Variants in MTMR3 observed in about 807,000 individuals in gnomAD.
The protein encoded by MTMR3 is myotubularin related protein 3.
MTMR3 carries 32 observed loss-of-function variants against 132.4 expected under a neutral mutation model. The observed-to-expected ratio is 0.24, with a 90% CI of 0.18 to 0.32. MTMR3 has a LOEUF of 0.32. Ranked by LOEUF, MTMR3 falls within the 10% of genes least tolerant of loss-of-function variation. MTMR3 has a pLI of 1.00. For missense variants in MTMR3, 1,216 were observed against 1,489.6 expected (o/e 0.82, Z 3.02); for synonymous variants, 556 against 550.3 (o/e 1.01, Z -0.14).
intron 1 of MTMR3, among the ~76,000 whole-genome samples, chr22:29,891,409 A>AAC (rs2064797741): frequency 7.1e-6 from 1 of 139,924 alleles, no homozygotes; most frequent in Non-Finnish European, 1.6e-5. Flanking sequence ...GTGTATATAT[A>AAC]ACATATATAT....
chr22:30,012,661 A>T, intron 13 of MTMR3, 98 bp downstream of exon 13: 1 of 1,296,572 alleles, frequency 7.7e-7, no homozygotes, highest in African/African-American at 1.5e-5. Context: ...TCGGTTAAAG[A>T]AAGTGAAATT....
chr22:29,957,006 A>G (rs1569023630), intron 1 of MTMR3, 30 bp from the exon 2 acceptor site: 1 of 152,306 alleles, frequency 6.6e-6, no homozygotes, highest in Non-Finnish European at 1.5e-5. Context: ...GATATTTGTC[A>G]TTATAAAATA....
intron 1 of MTMR3, among the ~76,000 whole-genome samples, chr22:29,928,920 A>C (rs1015022848): frequency 6.6e-6 from 1 of 152,228 alleles, no homozygotes; most frequent in Admixed American, 6.5e-5. Flanking sequence ...TAGTAGTCGT[A>C]GTATATTGTC....
At chr22:29,946,748 GT>G (rs11312978) in intron 1 of MTMR3, among the ~76,000 whole-genome samples, 115,572 of 149,344 alleles carry the variant, frequency 0.77, 44,910 homozygotes, top group East Asian at 0.91. Flanking sequence ...AATTGGAAAA[GT>G]TTTTTTTTTT....
rs149674509 is a variant in MTMR3 at position 29,979,530 on chromosome 22, C to G, written c.210+478C>G. On this transcript the variant is annotated intron_variant, in intron 5 of 19. Coordinates refer to ENST00000401950, the MANE Select transcript of MTMR3 (RefSeq NM_021090.4). ...ACAACAACAACAAAACACACTAGAT[C>G]AGCAAGCAGCTCTTATGCTTGATTT... The G allele has an allele frequency of 2.6e-3, 564 of 220,030 alleles. 4 individuals carry two copies. The highest frequency in any genetic ancestry group is 0.019 in the Middle Eastern group (10 of 524). The allele number at this position is 220,030 out of a possible 1,614,324, so 13.6% of individuals were successfully genotyped here. A position where few individuals can be genotyped will look rare whatever the true frequency, so the allele number is the denominator to read the frequency against.
intron 1 of MTMR3, among the ~76,000 whole-genome samples, chr22:29,887,282 C>T (rs1288901669): frequency 2.6e-5 from 4 of 152,130 alleles, no homozygotes; most frequent in Admixed American, 6.5e-5. Flanking sequence ...ACATAACCCC[C>T]CTGAGCTCCA....
chr22:29,919,934 T>C (rs1408072807), intron 1 of MTMR3, among the ~76,000 whole-genome samples: 1 of 152,152 alleles, frequency 6.6e-6, no homozygotes, highest in African/African-American at 2.4e-5. Context: ...GCTGATGACT[T>C]ACATGCTTTT....
chr22:29,981,570 A>G (rs1469051589), intron 5 of MTMR3: 1 of 152,256 alleles, frequency 6.6e-6, no homozygotes, highest in East Asian at 1.9e-4. Flanking sequence ...GCAGTGATGC[A>G]CGCCTGTAAT....
intron 2 of MTMR3, among the ~76,000 whole-genome samples, chr22:29,968,960 A>C (rs1227935716): frequency 6.6e-6 from 1 of 152,160 alleles, no homozygotes; most frequent in East Asian, 1.9e-4. Flanking sequence ...TGGTGCACCC[A>C]AAACCCCTGT....
chr22:29,917,349 C>G (rs1441395509), intron 1 of MTMR3, among the ~76,000 whole-genome samples: 1 of 152,096 alleles, frequency 6.6e-6, no homozygotes. Context: ...AAAAATTGCA[C>G]CAGAGGAGCC....
chr22:29,919,201 TCTTC>T (rs1007313359), intron 1 of MTMR3, among the ~76,000 whole-genome samples: 1 of 152,238 alleles, frequency 6.6e-6, no homozygotes, highest in African/African-American at 2.4e-5. Flanking sequence ...TGCTTCTTGT[TCTTC>T]CTTTTTTCTG....
intron 17 of MTMR3, 113 bp downstream of exon 17, chr22:30,020,997 A>G (rs996168471): frequency 2.7e-6 from 3 of 1,105,100 alleles, no homozygotes; most frequent in African/African-American, 3.2e-5. Flanking sequence ...AGGATTGGAA[A>G]GGTCCAGAGT....
chr22:29,940,763 A>C (rs1375656380), intron 1 of MTMR3, among the ~76,000 whole-genome samples: 1 of 150,072 alleles, frequency 6.7e-6, no homozygotes, highest in Non-Finnish European at 1.5e-5. Flanking sequence ...TGATCACATC[A>C]TATGGACTTG....
At chr22:29,896,985 AAAATTT>A (rs1384320363) in intron 1 of MTMR3, among the ~76,000 whole-genome samples, 2 of 151,968 alleles carry the variant, frequency 1.3e-5, no homozygotes, top group Non-Finnish European at 2.9e-5. Flanking sequence ...TTTTTAAAGT[AAAATTT>A]AAATATTTAA....
At chr22:29,945,711 TGAAAAA>T (rs2065939177) in intron 1 of MTMR3, among the ~76,000 whole-genome samples, 1 of 82,206 alleles carries the variant, frequency 1.2e-5, no homozygotes, top group African/African-American at 6.1e-5. Context: ...GTCTTTAAAA[TGAAAAA>T]GAAAAAAAAA....
At chr22:29,949,931 A>G (rs5763629) in intron 1 of MTMR3, among the ~76,000 whole-genome samples, 6,184 of 152,244 alleles carry the variant, frequency 0.041, 374 homozygotes, top group South Asian at 0.24. Flanking sequence ...AGGCATTGCT[A>G]TTGAAGACAC....
chr22:29,908,855 A>G (rs774575687), intron 1 of MTMR3, among the ~76,000 whole-genome samples: 8 of 152,212 alleles, frequency 5.3e-5, no homozygotes, highest in Non-Finnish European at 8.8e-5. Context: ...ATATTTAGGA[A>G]TAAAAAGTTA....
chr22:29,935,243 AAATG>A (rs1473721875), intron 1 of MTMR3, among the ~76,000 whole-genome samples: 2 of 152,218 alleles, frequency 1.3e-5, no homozygotes, highest in Non-Finnish European at 2.9e-5. Flanking sequence ...TGTGATTACT[AAATG>A]GCATGTACAG....
chr22:29,979,093 G>A, intron 5 of MTMR3, 41 bp downstream of exon 5: 1 of 1,370,606 alleles, frequency 7.3e-7, no homozygotes, highest in Non-Finnish European at 1.0e-6. Context: ...GGTAAATGGA[G>A]AAAGTAAGTC....
Sources: allele counts gnomAD v4.1 joint callset (sites outside exome capture counted in the v4.1 genomes callset), GRCh38; gene constraint gnomAD v4.1.1; transcripts MANE v1.5; gene names NCBI Gene and HGNC (gene_info 2026-07-23, HGNC 2026-07-21).